CFAP43: variants seen among roughly 807,000 people sequenced by gnomAD.
CFAP43 encodes cilia and flagella associated protein 43.
CFAP43 carries 155 observed loss-of-function variants against 218.9 expected under a neutral mutation model. That is an observed-to-expected ratio of 0.71 (90% CI 0.62 to 0.81). The LOEUF is 0.81. Among genes scored for constraint, CFAP43 ranks in the 30% least tolerant of loss-of-function variants. CFAP43 has a pLI of 0.00. For missense variants in CFAP43, 1,778 were observed against 1,954.3 expected (o/e 0.91, Z 1.70); for synonymous variants, 645 against 681.3 (o/e 0.95, Z 0.83).
intron 34 of CFAP43, among the ~76,000 whole-genome samples, chr10:104,136,258 CAAAAAAAA>C (rs368792618): frequency 1.5e-4 from 13 of 86,004 alleles, no homozygotes; most frequent in East Asian, 1.5e-3. Context: ...TTCTCCATTT[CAAAAAAAA>C]AAAAAAAAAA....
At chr10:104,185,565 C>T (rs1204304939) in intron 15 of CFAP43, among the ~76,000 whole-genome samples, 1 of 152,042 alleles carries the variant, frequency 6.6e-6, no homozygotes, top group African/African-American at 2.4e-5. Flanking sequence ...GGGTGACGGG[C>T]ACTGTGAAGA....
intron 8 of CFAP43, among the ~76,000 whole-genome samples, chr10:104,200,447 A>C (rs2090499682): frequency 6.6e-6 from 1 of 152,038 alleles, no homozygotes; most frequent in Non-Finnish European, 1.5e-5. Flanking sequence ...AGGTGGGCAG[A>C]TCACTTGAGG....
rs755555129 is a variant in CFAP43 at position 104,214,339 on chromosome 10, G to T, written c.504C>A (p.Arg168=). Residue 168 remains arginine, a synonymous_variant, in exon 4 of 38, where the codon CGC becomes CGA. Coordinates refer to ENST00000357060, the MANE Select transcript of CFAP43 (RefSeq NM_025145.7). The part of the protein sequence containing the change: ...NQMSFNPMNW[R]QLCLSSPSTV... Reference sequence around the variant, plus strand: ...TACTTGGACTTGATAAGCACAGCTGGCGCCAGTTCATGGGGTTAAAAGACA... The same window carrying T: ...TACTTGGACTTGATAAGCACAGCTGTCGCCAGTTCATGGGGTTAAAAGACA... 3.7e-6 allele frequency: 6 copies of T among 1,612,104 alleles called. No individual in the cohort carries two copies. The highest frequency in any genetic ancestry group is 5.1e-6 in the Non-Finnish European group (6 of 1,178,864).
chr10:104,207,861 A>G, intron 5 of CFAP43, 37 bp from the exon 6 acceptor site: 4 of 1,578,886 alleles, frequency 2.5e-6, no homozygotes, highest in Non-Finnish European at 3.4e-6. Context: ...TTAAGAAAAC[A>G]ATCACGGCTA....
In CFAP43 at chr10:104,230,851, A is replaced by G. The variant is rs757343723; in HGVS notation, c.66-8T>C. Reference sequence around the variant, plus strand: ...GGGAATCCTTGCACCCATCTTTGGGAAAAGATATGTCAACATCAATATAAT... The same window carrying G: ...GGGAATCCTTGCACCCATCTTTGGGGAAAGATATGTCAACATCAATATAAT... On this transcript the variant is annotated splice_polypyrimidine_tract_variant and splice_region_variant and intron_variant, in intron 1 of 37. Coordinates refer to ENST00000357060, the MANE Select transcript of CFAP43 (RefSeq NM_025145.7). 2 of 1,600,272 alleles carry G rather than the reference A, an allele frequency of 1.2e-6. No homozygotes were observed. The highest frequency in any genetic ancestry group is 1.7e-6 in the Non-Finnish European group (2 of 1,174,958).
At chr10:104,165,876 AG>A (rs1369185174) in intron 23 of CFAP43, among the ~76,000 whole-genome samples, 2 of 152,192 alleles carry the variant, frequency 1.3e-5, no homozygotes, top group African/African-American at 4.8e-5. Flanking sequence ...ACGGAATTCT[AG>A]TGTTTTCTTT....
At chr10:104,210,491 C>T (rs371608579) in intron 5 of CFAP43, among the ~76,000 whole-genome samples, 110 of 152,300 alleles carry the variant, frequency 7.2e-4, no homozygotes, top group African/African-American at 2.3e-3. Flanking sequence ...CTCAGCCTCC[C>T]GAGTAGCTGG....
chr10:104,146,297 T>C lies in CFAP43; in HGVS notation c.3821A>G (p.Lys1274Arg). The stretch of plus-strand genomic sequence containing the variant: ...TGCCAGTAAGTTGTCATAGTGCTCC[T>C]TGCACACATCCAGGTCTTCTCTAGA... ...RKSREDLDVC[K>R]EHYDNLLAED... Residue 1274 changes from lysine to arginine, a missense_variant, in exon 30 of 38, where the codon AAG becomes AGG. Around this residue, in one of 3 missense-constraint regions of CFAP43, gnomAD observed 1,553 missense variants for 1,685.2 expected, o/e 0.92. Coordinates refer to ENST00000357060, the MANE Select transcript of CFAP43 (RefSeq NM_025145.7). 6.2e-7 allele frequency: 1 copy of C among 1,613,864 alleles called. No homozygotes were observed. The highest frequency in any genetic ancestry group is 8.5e-7 in the Non-Finnish European group (1 of 1,179,766).
Position 104,131,438 on chromosome 10 carries a change from AGTTTTTTGAGTAGTTTCTT to A in CFAP43, c.4705_4723del (p.Lys1569LeufsTer10). 6.2e-7 allele frequency: 1 copy of A among 1,613,394 alleles called. No homozygotes were observed. Among genetic ancestry groups the A allele is most frequent in the Non-Finnish European group, 8.5e-7 (1 of 1,179,806 alleles). On this transcript the variant is annotated frameshift_variant, in exon 37 of 38. Coordinates refer to ENST00000357060, the MANE Select transcript of CFAP43 (RefSeq NM_025145.7). LOFTEE classifies it high-confidence loss of function. ...ATCTTTTTGATTGCTGAACTTTCCAAGTTTTTTGAGTAGTTTCTTGCAGTTTTCCACATTCTTTTTGTGC... is the reference window on the plus strand; with the variant it reads ...ATCTTTTTGATTGCTGAACTTTCCAAGCAGTTTTCCACATTCTTTTTGTGC...
At chr10:104,145,647 G>T in intron 30 of CFAP43, 83 bp from the exon 31 acceptor site, 1 of 865,986 alleles carries the variant, frequency 1.2e-6, no homozygotes, top group South Asian at 2.1e-5. Flanking sequence ...AAATACAGGT[G>T]GTAGCACTTT....
intron 16 of CFAP43, 130 bp downstream of exon 16, chr10:104,184,886 A>G (rs1197490941): frequency 5.0e-6 from 7 of 1,397,266 alleles, no homozygotes; most frequent in Non-Finnish European, 5.7e-6. Context: ...GGGATCTGTG[A>G]GTATAACAAA....
At chr10:104,145,142 G>A (rs1204774178) in intron 31 of CFAP43, among the ~76,000 whole-genome samples, 2 of 152,126 alleles carry the variant, frequency 1.3e-5, no homozygotes, top group East Asian at 1.9e-4. Context: ...TTGTTTGAAC[G>A]CACTTTAGAA....
chr10:104,180,449 T>C (rs916562012), intron 17 of CFAP43, among the ~76,000 whole-genome samples: 8 of 149,668 alleles, frequency 5.3e-5, no homozygotes, highest in South Asian at 2.1e-4. Flanking sequence ...CTATTTCTTT[T>C]TTTTTTTTTT....
rs1229118259 is a variant in CFAP43, at chr10:104,185,140, A to G, written c.2017T>C (p.Phe673Leu). The G allele has an allele frequency of 6.2e-7, 1 of 1,613,566 alleles. No homozygotes were observed. Among genetic ancestry groups the G allele is most frequent in the African/African-American group, 1.3e-5 (1 of 74,870 alleles). ...TGAGAATGACTCCGACACCAAGCAA[A>G]TGTTTCCTCAATAGTTAAGAAATAA... ...CIRDVYTLET[F>L]AWCRSHSHQG... Residue 673 changes from phenylalanine to leucine, a missense_variant, in exon 16 of 38, where the codon TTT (phenylalanine) becomes CTT (leucine). Coordinates refer to ENST00000357060, the MANE Select transcript of CFAP43 (RefSeq NM_025145.7).
intron 3 of CFAP43, among the ~76,000 whole-genome samples, chr10:104,216,077 A>G (rs773449418): frequency 6.6e-6 from 1 of 152,064 alleles, no homozygotes. Context: ...TTACCTTTCT[A>G]TGTCTCTCCC....
intron 7 of CFAP43, among the ~76,000 whole-genome samples, chr10:104,204,595 G>T (rs765052667): frequency 1.3e-5 from 2 of 152,086 alleles, no homozygotes; most frequent in African/African-American, 2.4e-5. Flanking sequence ...CTTTAAAGGG[G>T]GTTAAACAAA....
At chr10:104,182,651 C>T (rs1322875827) in intron 16 of CFAP43, 138 bp from the exon 17 acceptor site, 2 of 820,082 alleles carry the variant, frequency 2.4e-6, no homozygotes, top group African/African-American at 1.8e-5. Context: ...CAATTCTTCA[C>T]AGTGCCTTGT....
chr10:104,164,459 A>G (rs1483686650), intron 23 of CFAP43, among the ~76,000 whole-genome samples, 159 bp from the exon 24 acceptor site: 4 of 149,752 alleles, frequency 2.7e-5, no homozygotes, highest in African/African-American at 9.9e-5. Context: ...GTGCAGTGGC[A>G]TGATCTCTGC....
rs746550126 is a variant in CFAP43 at position 104,230,890 on chromosome 10, T to A, written c.66-47A>T. On this transcript the variant is annotated intron_variant, in intron 1 of 37. Transcript: ENST00000357060. ...CATCAATATAATACATTTCAAATACTTTTTTTTTTTTAACAAAGCAAAGGG... is the reference window on the plus strand; with the variant it reads ...CATCAATATAATACATTTCAAATACATTTTTTTTTTTAACAAAGCAAAGGG... 1.5e-3 allele frequency: 716 copies of A among 469,652 alleles called. 1 individual carries two copies. The highest frequency in any genetic ancestry group is 8.8e-3 in the South Asian group (161 of 18,244). The allele number at this position is 469,652 out of a possible 1,614,324, so 29.1% of individuals were successfully genotyped here. A position where few individuals can be genotyped will look rare whatever the true frequency, so the allele number is the denominator to read the frequency against.
Sources: allele counts gnomAD v4.1 joint callset (sites outside exome capture counted in the v4.1 genomes callset), GRCh38; gene constraint gnomAD v4.1.1; regional missense constraint gnomAD v4.1.1; transcripts MANE v1.5; gene names NCBI Gene and HGNC (gene_info 2026-07-23, HGNC 2026-07-21).